The following RYR1 variants were observed in gnomAD, a reference collection of about 807,000 sequenced individuals.
The protein encoded by RYR1 is central core disease of muscle.
In RYR1, 342 loss-of-function variants were observed where a neutral mutation model predicts 583.5. The observed-to-expected ratio is 0.59, with a 90% CI of 0.54 to 0.64. The LOEUF is 0.64. Ranked by LOEUF, RYR1 falls within the 30% of genes least tolerant of loss-of-function variation. The pLI is 0.00. For missense variants in RYR1, 6,032 were observed against 6,917.2 expected (o/e 0.87, Z 4.54); for synonymous variants, 2,791 against 2,822.5 (o/e 0.99, Z 0.35).
At chr19:38,534,233 G>C (rs1322030555) in intron 78 of RYR1, among the ~76,000 whole-genome samples, 1 of 151,882 alleles carries the variant, frequency 6.6e-6, no homozygotes, top group Admixed American at 6.6e-5. Context: ...GGATAGTCTT[G>C]ACCTCTTGAC....
rs886054401 is a variant in RYR1 at position 38,534,752 on chromosome 19, C to T, written c.11292C>T (p.Tyr3764=). Residue 3764 remains tyrosine, a synonymous_variant, in exon 79 of 106, where the codon TAC becomes TAT. Coordinates refer to ENST00000359596, the MANE Select transcript of RYR1 (RefSeq NM_000540.3). ...AGATGGAGAAGCAGAGGCTCTTGTA[C>T]CAGCAAGCACGGCTGCACACCCGGG... The part of the protein sequence containing the change: ...EKQMEKQRLL[Y]QQARLHTRGA... 1 of 1,614,046 alleles carries T rather than the reference C, an allele frequency of 6.2e-7. No homozygotes were observed. Among genetic ancestry groups the T allele is most frequent in the Admixed American group, 1.7e-5 (1 of 60,012 alleles).
chr19:38,468,343 T>C (rs1013319425), intron 25 of RYR1, among the ~76,000 whole-genome samples: 11 of 151,708 alleles, frequency 7.3e-5, no homozygotes, highest in Non-Finnish European at 1.6e-4. Flanking sequence ...CATCCATCCA[T>C]TCTTCCAGCC....
intron 101 of RYR1, 49 bp downstream of exon 101, chr19:38,580,553 G>A: frequency 6.2e-7 from 1 of 1,611,894 alleles, no homozygotes; most frequent in Non-Finnish European, 8.5e-7. Flanking sequence ...CGCATCTGTT[G>A]AAGGAGTTAA....
intron 79 of RYR1, 28 bp from the exon 80 acceptor site, chr19:38,535,113 A>T (rs199592082): frequency 1.2e-4 from 190 of 1,608,976 alleles, no homozygotes; most frequent in Middle Eastern, 1.8e-4. Flanking sequence ...AACTGGGTGG[A>T]CCATCTTTTT....
rs200890425 is a variant in RYR1 at position 38,448,830 on chromosome 19, C to T, written c.1122+17C>T. On this transcript the variant is annotated intron_variant, in intron 11 of 105. Transcript: ENST00000359596. ...AAGAAGAAGGTGGGTGTAATCCCAG[C>T]TACTCAGGAGGCTGAGGTGGGAGAA... The T allele has an allele frequency of 6.2e-7, 1 of 1,611,778 alleles. No individual in the cohort carries two copies. The highest frequency in any genetic ancestry group is 8.5e-7 in the Non-Finnish European group (1 of 1,179,250).
chr19:38,506,260 C>T, intron 54 of RYR1, 43 bp from the exon 55 acceptor site: 1 of 1,594,002 alleles, frequency 6.3e-7, no homozygotes, highest in Non-Finnish European at 8.6e-7. Flanking sequence ...GGGCTTCCTG[C>T]TAGCCCATCA....
At position 38,473,401 on chromosome 19, in the gene RYR1, G is replaced by A; in HGVS notation, c.3790G>A (p.Asp1264Asn). The A allele has an allele frequency of 6.2e-7, 1 of 1,613,838 alleles. No individual in the cohort carries two copies. The highest frequency in any genetic ancestry group is 8.5e-7 in the Non-Finnish European group (1 of 1,179,978). The change falls in exon 28 of 106, where the codon GAC (aspartate) becomes AAC (asparagine). Residue 1264 changes from aspartate (D) to asparagine (N), a missense_variant. This residue lies in a region of RYR1 where 2,627 missense variants were observed against 2,961.3 expected (regional missense o/e 0.89). Coordinates refer to ENST00000359596, the MANE Select transcript of RYR1 (RefSeq NM_000540.3). ...GGTATCCCGAGTGGACGGCACTGTG[G>A]ACACGCCCCCCTGCCTGCGCCTGAC... Reference protein sequence around the residue: ...YEVSRVDGTVDTPPCLRLTHR... With the variant: ...YEVSRVDGTVNTPPCLRLTHR...
intron 35 of RYR1, 39 bp from the exon 36 acceptor site, chr19:38,490,037 C>G (rs781044144): frequency 1.3e-6 from 2 of 1,599,618 alleles, no homozygotes; most frequent in Non-Finnish European, 1.7e-6. Context: ...CTGATGGTCT[C>G]ACCTCCATCT....
chr19:38,446,415 C>T, intron 7 of RYR1, 57 bp from the exon 8 acceptor site: 2 of 1,338,688 alleles, frequency 1.5e-6, no homozygotes, highest in East Asian at 2.3e-5. Flanking sequence ...CATCTTGGCT[C>T]CTGGTCTTCC....
rs1238756349 is a variant in RYR1 at position 38,530,167 on chromosome 19, T to C, written c.11141+1110T>C. On this transcript the variant is annotated intron_variant, in intron 76 of 105. Coordinates refer to ENST00000359596, the MANE Select transcript of RYR1 (RefSeq NM_000540.3). ...CGGGCTTTCACCATGTTGGCCATGC[T>C]TGTCTCAAACTCCTGACCTCAAGTG... Among the ~76,000 whole-genome samples, 4 of 152,148 alleles carry C rather than the reference T, an allele frequency of 2.6e-5. No homozygotes were observed. The East Asian group carries it at 7.7e-4, about 29-fold the overall frequency.
chr19:38,573,183 C>T lies in RYR1; in HGVS notation c.14005C>T (p.Leu4669=). The change falls in exon 96 of 106, where the codon CTG becomes TTG. Residue 4669 remains leucine (L), a synonymous_variant. Transcript: ENST00000359596. The part of the protein sequence containing the change: ...IIGYNCLKVP[L]VIFKREKELA... ...GCCTCCTCCCACTATCCAGGTGCCC[C>T]TGGTAATCTTTAAGCGGGAGAAGGA... 2 of 1,613,878 alleles carry T rather than the reference C, an allele frequency of 1.2e-6. No individual in the cohort carries two copies. Among genetic ancestry groups the T allele is most frequent in the Non-Finnish European group, 1.7e-6 (2 of 1,179,848 alleles).
At chr19:38,447,841 TAAAA>T (rs55754306) in intron 9 of RYR1, among the ~76,000 whole-genome samples, 120 of 137,482 alleles carry the variant, frequency 8.7e-4, no homozygotes, top group East Asian at 2.7e-3. Context: ...GGCCCTGCCT[TAAAA>T]AAAAAAAAAA....
At chr19:38,546,567 T>C in intron 88 of RYR1, 41 bp downstream of exon 88, 1 of 1,553,624 alleles carries the variant, frequency 6.4e-7, no homozygotes, top group Non-Finnish European at 8.9e-7. Context: ...AGTAAAGAGG[T>C]TCAGAGAAGC....
At position 38,499,945 on chromosome 19, in the gene RYR1, C is replaced by T. The variant is rs761917791; in HGVS notation, c.7252C>T (p.Leu2418=). 4 of 1,614,184 alleles carry T rather than the reference C, an allele frequency of 2.5e-6. No homozygotes were observed. In the Admixed American group the frequency reaches 6.7e-5, roughly 27 times the overall value. ...EEPPEENRVH[L]GHAIMSFYAA... ...ACCGCCTGAAGAAAACCGGGTGCAC[C>T]TGGGACACGCCATCATGTCCTTCTA... Residue 2418 remains leucine (L), a synonymous_variant, in exon 45 of 106, where the codon CTG becomes TTG. Transcript: ENST00000359596. The surrounding 1 kb of genome is among the most constrained non-coding windows in gnomAD (Gnocchi z 7.3).
chr19:38,577,793 C>CAAAA, intron 97 of RYR1, 125 bp from the exon 98 acceptor site: 1 of 1,052,302 alleles, frequency 9.5e-7, no homozygotes. Context: ...GAGACTGTCT[C>CAAAA]AAAAAAAAAA....
chr19:38,529,480 AAAAAG>A (rs950717956), intron 76 of RYR1, among the ~76,000 whole-genome samples: 7 of 152,124 alleles, frequency 4.6e-5, no homozygotes, highest in Non-Finnish European at 8.8e-5. Flanking sequence ...ACTCTGTCTC[AAAAAG>A]AAAAGAAAAG....
chr19:38,582,126 G>A (rs147021399), intron 101 of RYR1, among the ~76,000 whole-genome samples: 1,817 of 152,142 alleles, frequency 0.012, 34 homozygotes, highest in African/African-American at 0.041. Flanking sequence ...TGCCTTGCAC[G>A]GTGGCTCATG....
At chr19:38,542,564 G>A (rs1481529932) in intron 84 of RYR1, among the ~76,000 whole-genome samples, 2 of 152,108 alleles carry the variant, frequency 1.3e-5, no homozygotes, top group East Asian at 3.8e-4. Context: ...TGTTGCCCAA[G>A]CTGGAGTGCA....
intron 11 of RYR1, among the ~76,000 whole-genome samples, chr19:38,450,098 C>G (rs1966999445): frequency 6.6e-6 from 1 of 152,160 alleles, no homozygotes; most frequent in African/African-American, 2.4e-5. Context: ...GGGAAGTGAC[C>G]TGACGCAGGA....
Sources: allele counts gnomAD v4.1 joint callset (sites outside exome capture counted in the v4.1 genomes callset), GRCh38; gene constraint gnomAD v4.1.1; regional missense constraint gnomAD v4.1.1; non-coding constraint Gnocchi (gnomAD v3.1); transcripts MANE v1.5; gene names NCBI Gene and HGNC (gene_info 2026-07-23, HGNC 2026-07-21).